The following UBE2G1 variants were observed in gnomAD, a reference collection of about 807,000 sequenced individuals.
UBE2G1 encodes ubiquitin conjugating enzyme E2 G1, also known as ubiquitin-conjugating enzyme E2 G1.
A neutral mutation model predicts 22.7 loss-of-function variants in UBE2G1; 5 were observed. The ratio of observed to expected loss-of-function variants is 0.22; its 90% CI spans 0.12 to 0.46. The LOEUF (loss-of-function observed/expected upper bound fraction) is 0.46. Ranked by LOEUF, UBE2G1 falls within the 20% of genes least tolerant of loss-of-function variation. The pLI is 0.99. For synonymous variants in UBE2G1, 74 were observed against 67.5 expected, an observed-to-expected ratio of 1.10 and a Z score of -0.47; for missense variants, 88 against 203.9, an observed-to-expected ratio of 0.43 and a Z score of 3.46.
At chr17:4,327,980 CCTTT>C (rs1437659318) in intron 1 of UBE2G1, among the ~76,000 whole-genome samples, 1 of 152,212 alleles carries the variant, frequency 6.6e-6, no homozygotes. Flanking sequence ...TTTCTCCTTT[CCTTT>C]GTGTAGAGCT....
At position 4,353,491 on chromosome 17, in the gene UBE2G1, T is replaced by C. The variant is rs114683953; in HGVS notation, c.46+12780A>G. The stretch of plus-strand genomic sequence containing the variant: ...CACACACACACACACACACATATAA[T>C]GTCACACCCCAGCATTTTTTTTTTT... On this transcript the variant is annotated intron_variant, in intron 1 of 5. Coordinates refer to ENST00000396981, the MANE Select transcript of UBE2G1 (RefSeq NM_003342.5). 2.9e-3 allele frequency among the ~76,000 whole-genome samples: 431 copies of C among 149,294 alleles called. 2 individuals are homozygous for C. The highest frequency in any genetic ancestry group is 0.01 in the African/African-American group (407 of 39,416).
chr17:4,363,078 G>A (rs1316592945), intron 1 of UBE2G1, among the ~76,000 whole-genome samples: 4 of 152,078 alleles, frequency 2.6e-5, no homozygotes, highest in Admixed American at 6.6e-5. Flanking sequence ...CCAAGATCTC[G>A]CCACTGCACC....
chr17:4,365,896 G>A (rs1970028278), intron 1 of UBE2G1, among the ~76,000 whole-genome samples: 1 of 152,126 alleles, frequency 6.6e-6, no homozygotes, highest in Non-Finnish European at 1.5e-5. Flanking sequence ...GGCCCCGAAG[G>A]TCCGGCGGCC....
intron 1 of UBE2G1, among the ~76,000 whole-genome samples, chr17:4,342,197 GCCCCTGATTATCTCTCCTTGT>G (rs760876510): frequency 5.1e-4 from 78 of 152,208 alleles, no homozygotes; most frequent in Non-Finnish European, 9.7e-4. Flanking sequence ...TCAAAACCAA[GCCCCTGATTATCTCTCCTTGT>G]CCTGCGTCTT....
chr17:4,304,828 G>A (rs539799891), intron 2 of UBE2G1, among the ~76,000 whole-genome samples: 6 of 151,960 alleles, frequency 3.9e-5, no homozygotes, highest in Non-Finnish European at 7.4e-5. Context: ...TTATTTAAAC[G>A]TAAGGTGTAT....
At chr17:4,352,761 G>C (rs1033949019) in intron 1 of UBE2G1, among the ~76,000 whole-genome samples, 7 of 152,084 alleles carry the variant, frequency 4.6e-5, no homozygotes, top group African/African-American at 1.4e-4. Context: ...GAAAATGTTT[G>C]AATCCAGCTC....
chr17:4,303,427 G>A (rs1483744569), intron 2 of UBE2G1, among the ~76,000 whole-genome samples: 1 of 152,084 alleles, frequency 6.6e-6, no homozygotes, highest in Non-Finnish European at 1.5e-5. Context: ...ATAGAACATG[G>A]AACATTTGAA....
intron 1 of UBE2G1, among the ~76,000 whole-genome samples, chr17:4,329,700 G>T (rs1969547825): frequency 6.6e-6 from 1 of 152,168 alleles, no homozygotes; most frequent in Non-Finnish European, 1.5e-5. Flanking sequence ...ACTGAAATCA[G>T]GGTTGTCTTC....
At chr17:4,346,226 T>G (rs904989638) in intron 1 of UBE2G1, among the ~76,000 whole-genome samples, 1 of 152,078 alleles carries the variant, frequency 6.6e-6, no homozygotes, top group African/African-American at 2.4e-5. Context: ...ACAATAACCA[T>G]GAATGCCTCA....
chr17:4,357,517 GGGGT>G (rs796661916), intron 1 of UBE2G1, among the ~76,000 whole-genome samples: 22 of 44,686 alleles, frequency 4.9e-4, no homozygotes, highest in African/African-American at 1.6e-3. Flanking sequence ...GTGGGGGGGG[GGGGT>G]GGGTGTATAA....
At position 4,366,619 on chromosome 17, in the gene UBE2G1, T is replaced by G. The variant is rs1970040260; in HGVS notation, c.-303A>C. The G allele has an allele frequency of 5.4e-5, 16 of 293,952 alleles. No individual in the cohort carries two copies. Among genetic ancestry groups the G allele is most frequent in the Non-Finnish European group, 7.0e-5 (11 of 157,208 alleles). 18.2% of individuals were successfully genotyped at this position (293,952 alleles called of 1,614,324 possible). On this transcript the variant is annotated 5_prime_UTR_variant, in exon 1 of 6. Transcript: ENST00000396981. ...CCCGCCCGTCGGCCCCACCGGTGCC[T>G]TCCCCCGCCACTGCCTCACTGCGCG... is the stretch of plus-strand genomic sequence containing the variant.
intron 2 of UBE2G1, among the ~76,000 whole-genome samples, chr17:4,302,851 T>C (rs1969201079): frequency 6.6e-6 from 1 of 152,208 alleles, no homozygotes; most frequent in Non-Finnish European, 1.5e-5. Flanking sequence ...CAAAGTGTAT[T>C]TGTGAGAACT....
chr17:4,360,997 C>T (rs986000638), intron 1 of UBE2G1, among the ~76,000 whole-genome samples: 2 of 152,216 alleles, frequency 1.3e-5, no homozygotes, highest in Non-Finnish European at 2.9e-5. Context: ...CCAAGGTGGG[C>T]AGATCACCTG....
At chr17:4,279,785 T>TTTTATATATATA (rs1334257201) in intron 5 of UBE2G1, among the ~76,000 whole-genome samples, 3 of 68,852 alleles carry the variant, frequency 4.4e-5, no homozygotes, top group African/African-American at 1.3e-4. Context: ...CAAAAAAAAG[T>TTTTATATATATA]TATATATATA....
intron 1 of UBE2G1, among the ~76,000 whole-genome samples, chr17:4,359,076 A>T (rs60280938): frequency 5.6e-4 from 85 of 152,330 alleles, no homozygotes; most frequent in African/African-American, 1.9e-3. Context: ...ATTAAAATGC[A>T]TGTACATTCA....
At chr17:4,332,120 A>T (rs1310320024) in intron 1 of UBE2G1, among the ~76,000 whole-genome samples, 1 of 152,198 alleles carries the variant, frequency 6.6e-6, no homozygotes, top group Non-Finnish European at 1.5e-5. Flanking sequence ...TTTAAAGCTA[A>T]GTATATATAC....
chr17:4,324,072 C>G (rs566674206), intron 1 of UBE2G1, among the ~76,000 whole-genome samples: 194 of 152,294 alleles, frequency 1.3e-3, no homozygotes, highest in African/African-American at 4.5e-3. Context: ...ATCTTCGCAA[C>G]GGAGAAATCT....
chr17:4,314,398 G>C (rs892100554), intron 1 of UBE2G1, among the ~76,000 whole-genome samples: 3 of 152,180 alleles, frequency 2.0e-5, no homozygotes, highest in African/African-American at 7.2e-5. Context: ...CTTGAAATAT[G>C]CAAGTTTAAA....
chr17:4,362,852 G>A (rs558106128), intron 1 of UBE2G1, among the ~76,000 whole-genome samples: 2 of 152,122 alleles, frequency 1.3e-5, no homozygotes, highest in Non-Finnish European at 1.5e-5. Flanking sequence ...AAAGGTGGTG[G>A]TGGCTCACAC....
Sources: allele counts gnomAD v4.1 joint callset (sites outside exome capture counted in the v4.1 genomes callset), GRCh38; gene constraint gnomAD v4.1.1; transcripts MANE v1.5; gene names NCBI Gene and HGNC (gene_info 2026-07-23, HGNC 2026-07-21).